The following CLASP2 variants were observed in gnomAD, a reference collection of about 807,000 sequenced individuals.
The protein encoded by CLASP2 is cytoplasmic linker associated protein 2.
Under a neutral mutation model 194.4 loss-of-function variants are expected in CLASP2, and 47 were observed. The observed-to-expected ratio is 0.24, with a 90% CI of 0.19 to 0.31. The LOEUF (loss-of-function observed/expected upper bound fraction) is 0.31, where lower values mean the gene tolerates loss of function less well. CLASP2 is among the 10% of genes least tolerant of loss of function. CLASP2 has a pLI of 1.00. For missense variants in CLASP2, 1,445 were observed against 1,823.6 expected, an observed-to-expected ratio of 0.79 and a Z score of 3.78; for synonymous variants, 619 against 633.5, an observed-to-expected ratio of 0.98 and a Z score of 0.34.
chr3:33,602,879 A>T, intron 18 of CLASP2, 73 bp downstream of exon 18: 1 of 1,318,692 alleles, frequency 7.6e-7, no homozygotes, highest in Non-Finnish European at 1.1e-6. Flanking sequence ...AGAAATGATT[A>T]AGGTATATGA....
chr3:33,565,419 G>C (rs529169623), intron 27 of CLASP2, among the ~76,000 whole-genome samples: 1 of 151,866 alleles, frequency 6.6e-6, no homozygotes, highest in East Asian at 2.0e-4. Flanking sequence ...GACCTGAGGC[G>C]ATCTGCCCAC....
intron 2 of CLASP2, among the ~76,000 whole-genome samples, chr3:33,696,383 C>A (rs1575653832): frequency 2.0e-4 from 20 of 100,880 alleles, no homozygotes; most frequent in East Asian, 1.6e-3. Flanking sequence ...TTTTTTGCCT[C>A]AAAGGTGATT....
At chr3:33,615,016 A>G (rs1037420639) in intron 12 of CLASP2, among the ~76,000 whole-genome samples, 2 of 152,044 alleles carry the variant, frequency 1.3e-5, no homozygotes, top group Non-Finnish European at 2.9e-5. Context: ...AGGAAAGTGA[A>G]CCTGAAGTTC....
intron 29 of CLASP2, among the ~76,000 whole-genome samples, chr3:33,556,439 CT>C (rs145188128): frequency 2.0e-3 from 280 of 143,242 alleles, no homozygotes; most frequent in East Asian, 9.8e-3. Flanking sequence ...TTCTTTCTTT[CT>C]TTTTTTTTTT....
chr3:33,669,033 T>A (rs1025665760), intron 6 of CLASP2, among the ~76,000 whole-genome samples: 2 of 151,902 alleles, frequency 1.3e-5, no homozygotes, highest in African/African-American at 2.4e-5. Context: ...AAATAAAGAG[T>A]TTCCTCTAAC....
intron 37 of CLASP2, among the ~76,000 whole-genome samples, chr3:33,507,992 AAT>A (rs1235546373): frequency 2.7e-5 from 4 of 149,462 alleles, no homozygotes; most frequent in Non-Finnish European, 4.4e-5. Context: ...GTATATATAT[AAT>A]ATATATATAT....
intron 32 of CLASP2, among the ~76,000 whole-genome samples, chr3:33,542,469 A>G (rs549346773): frequency 3.6e-4 from 54 of 149,188 alleles, no homozygotes; most frequent in African/African-American, 1.3e-3. Flanking sequence ...TAAATATATA[A>G]TAAATATAAA....
At chr3:33,581,365 A>G (rs998063305) in intron 23 of CLASP2, among the ~76,000 whole-genome samples, 3 of 152,228 alleles carry the variant, frequency 2.0e-5, no homozygotes, top group Admixed American at 2.0e-4. Flanking sequence ...CCTACCATTA[A>G]TAAGTAGTTC....
chr3:33,660,013 T>A (rs1187942118), intron 7 of CLASP2, among the ~76,000 whole-genome samples: 1 of 152,196 alleles, frequency 6.6e-6, no homozygotes, highest in Non-Finnish European at 1.5e-5. Flanking sequence ...TAGCAACTGT[T>A]TCAAACAGAG....
chr3:33,559,244 C>T, intron 29 of CLASP2, 63 bp downstream of exon 29: 3 of 1,029,356 alleles, frequency 2.9e-6, no homozygotes, highest in Non-Finnish European at 4.4e-6. Flanking sequence ...CAAATATCAA[C>T]ATAACTTTAT....
chr3:33,512,557 TAAAAAAAAAA>T (rs71070140), intron 36 of CLASP2, among the ~76,000 whole-genome samples: 1 of 12,486 alleles, frequency 8.0e-5, no homozygotes, highest in Non-Finnish European at 1.4e-4. Flanking sequence ...TAGAGTATAA[TAAAAAAAAAA>T]AAAAAAAAAA....
At chr3:33,641,155 TCTTTC>T in intron 8 of CLASP2, among the ~76,000 whole-genome samples, 1 of 151,898 alleles carries the variant, frequency 6.6e-6, no homozygotes. Flanking sequence ...AATCTCAGAA[TCTTTC>T]ATTTTGAAAT....
rs966469576 is a variant in CLASP2, at chr3:33,497,699, A to G, written c.*932T>C. The stretch of plus-strand genomic sequence containing the variant: ...AGGTGCTGGTCACTCCCATGTCTCG[A>G]TAATTTGTTTATTACGTGAGAAACA... On this transcript the variant is annotated 3_prime_UTR_variant, in exon 39 of 39. Coordinates refer to ENST00000682230, the MANE Select transcript of CLASP2 (RefSeq NM_001365631.1). The G allele has an allele frequency of 1.3e-5, 2 of 152,622 alleles. No homozygotes were observed. The highest frequency in any genetic ancestry group is 6.5e-5 in the Admixed American group (1 of 15,276). The allele number at this position is 152,622 out of a possible 1,614,324, so 9.5% of individuals were successfully genotyped here.
At chr3:33,532,189 C>G (rs1375875080) in intron 34 of CLASP2, among the ~76,000 whole-genome samples, 1 of 152,088 alleles carries the variant, frequency 6.6e-6, no homozygotes, top group African/African-American at 2.4e-5. Context: ...ATTATTCAGC[C>G]TTACAAAGGA....
intron 4 of CLASP2, among the ~76,000 whole-genome samples, chr3:33,687,625 AT>A (rs1389278242): frequency 6.6e-6 from 1 of 152,256 alleles, no homozygotes; most frequent in Non-Finnish European, 1.5e-5. Flanking sequence ...AGAAAGGACT[AT>A]AAAGTAATAA....
chr3:33,543,196 A>T (rs765679687), intron 32 of CLASP2, among the ~76,000 whole-genome samples: 2 of 152,136 alleles, frequency 1.3e-5, no homozygotes, highest in Non-Finnish European at 2.9e-5. Flanking sequence ...AACATGGTGA[A>T]ACCCTGTCTC....
At chr3:33,596,134 T>A (rs1463610882) in intron 19 of CLASP2, among the ~76,000 whole-genome samples, 2 of 151,852 alleles carry the variant, frequency 1.3e-5, no homozygotes, top group East Asian at 3.8e-4. Flanking sequence ...AGACAAAAAA[T>A]ATCATACAGG....
intron 18 of CLASP2, among the ~76,000 whole-genome samples, chr3:33,601,287 A>G (rs1478187985): frequency 6.6e-6 from 1 of 152,128 alleles, no homozygotes; most frequent in Non-Finnish European, 1.5e-5. Context: ...ACATTCTTGA[A>G]AACAGTGGGC....
At chr3:33,531,526 G>C (rs969541025) in intron 34 of CLASP2, among the ~76,000 whole-genome samples, 1 of 152,016 alleles carries the variant, frequency 6.6e-6, no homozygotes. Flanking sequence ...CTGTAATCTC[G>C]GCACTTTGGG....
Sources: gnomAD v4.1 joint callset for allele counts (sites outside exome capture counted in the v4.1 genomes callset) on GRCh38, gnomAD v4.1.1 for gene constraint, MANE v1.5 for transcripts, NCBI Gene and HGNC (gene_info 2026-07-23, HGNC 2026-07-21) for gene names.